Variants in ZBTB32 observed in about 807,000 individuals in gnomAD.
ZBTB32 encodes the protein zinc finger and BTB domain-containing protein 32.
ZBTB32 carries 28 observed loss-of-function variants against 45.3 expected under a neutral mutation model. That is an observed-to-expected ratio of 0.62 (90% CI 0.46 to 0.85). ZBTB32 has a LOEUF of 0.85. Among genes scored for constraint, ZBTB32 ranks in the 40% least tolerant of loss-of-function variants. The pLI is 0.00. For missense variants in ZBTB32, 587 were observed against 624.4 expected, an observed-to-expected ratio of 0.94 and a Z score of 0.64; for synonymous variants, 283 against 255.7, an observed-to-expected ratio of 1.11 and a Z score of -1.02.
At chr19:35,712,178 T>C (rs945274334) in intron 1 of ZBTB32, among the ~76,000 whole-genome samples, 5 of 152,082 alleles carry the variant, frequency 3.3e-5, no homozygotes, top group Non-Finnish European at 7.4e-5. Flanking sequence ...AAATGCTTTA[T>C]CCGCTGGGCG....
At chr19:35,706,445 G>A (rs1968545381) in intron 1 of ZBTB32, among the ~76,000 whole-genome samples, 1 of 151,962 alleles carries the variant, frequency 6.6e-6, no homozygotes, top group Admixed American at 6.6e-5. Context: ...TTTTTGGCAG[G>A]GCGTGGTGGC....
Position 35,715,985 on chromosome 19 carries a change from A to G in ZBTB32, c.1002A>G (p.Glu334=). 6.2e-7 allele frequency: 1 copy of G among 1,612,978 alleles called. No individual in the cohort carries two copies. The highest frequency in any genetic ancestry group is 8.5e-7 in the Non-Finnish European group (1 of 1,179,942). The part of the protein sequence containing the change: ...GPAQLSPGEM[E]ESDQGHTGAL... ...CACAGCTCAGCCCTGGGGAGATGGA[A>G]GAGTCTGATCAGGGGCACACAGGTG... Residue 334 remains glutamate (E), a synonymous_variant, in exon 5 of 7, where the codon GAA becomes GAG. Coordinates refer to ENST00000392197, the MANE Select transcript of ZBTB32 (RefSeq NM_014383.3).
chr19:35,710,888 T>C (rs1263406073), intron 1 of ZBTB32, among the ~76,000 whole-genome samples: 3 of 152,160 alleles, frequency 2.0e-5, no homozygotes, highest in Non-Finnish European at 4.4e-5. Flanking sequence ...AGAGAAGTGC[T>C]CAGGGTGTCA....
At chr19:35,705,403 G>A (rs1968514569) in intron 1 of ZBTB32, among the ~76,000 whole-genome samples, 1 of 152,084 alleles carries the variant, frequency 6.6e-6, no homozygotes, top group South Asian at 2.1e-4. Flanking sequence ...AGGTTTCCTG[G>A]GGTCTTTGGA....
rs761449673 is a variant in ZBTB32 at position 35,716,755 on chromosome 19, G to C, written c.*3G>C. On this transcript the variant is annotated 3_prime_UTR_variant, in exon 7 of 7. Coordinates refer to ENST00000392197, the MANE Select transcript of ZBTB32 (RefSeq NM_014383.3). ...GTCCTTCTTCCTCCACCACCTGACG[G>C]GGTGTCGGTAGCGTCTTAGCCAAGA... is the stretch of plus-strand genomic sequence containing the variant. 56 of 1,597,978 alleles carry C rather than the reference G, an allele frequency of 3.5e-5. No homozygotes were observed. The Admixed American group carries it at 9.4e-4, about 27-fold the overall frequency.
At position 35,716,497 on chromosome 19, in the gene ZBTB32, T is replaced by C. The variant is rs1352093263; in HGVS notation, c.1209T>C (p.Cys403=). Residue 403 remains cysteine (C), a synonymous_variant, in exon 7 of 7, where the codon TGT becomes TGC. Transcript: ENST00000392197. ...CTCTAGGAGAGAAGCCCTTCTCCTG[T>C]AGCCTTTGTCCTCAGCGCTCCCGGG... ...RVHTGEKPFS[C]SLCPQRSRDF... is the part of the protein sequence containing the mutation. 4 of 1,608,928 alleles carry C rather than the reference T, an allele frequency of 2.5e-6. No homozygotes were observed. The highest frequency in any genetic ancestry group is 1.1e-5 in the South Asian group (1 of 90,880).
chr19:35,712,151 C>T (rs530076096), intron 1 of ZBTB32, among the ~76,000 whole-genome samples: 5 of 151,502 alleles, frequency 3.3e-5, no homozygotes, highest in South Asian at 2.1e-4. Flanking sequence ...ATCTAATATA[C>T]GCCAGGCACA....
rs570062492 is a variant in ZBTB32 at position 35,715,377 on chromosome 19, G to A, written c.751G>A (p.Glu251Lys). 1 of 1,612,042 alleles carries A rather than the reference G, an allele frequency of 6.2e-7. No individual in the cohort carries two copies. Among genetic ancestry groups the A allele is most frequent in the African/African-American group, 1.3e-5 (1 of 74,944 alleles). The change falls in exon 3 of 7, where the codon GAG (glutamate) becomes AAG (lysine). Residue 251 changes from glutamate to lysine, a missense_variant. Glu to Lys is a moderately conservative substitution (Grantham distance 56). Coordinates refer to ENST00000392197, the MANE Select transcript of ZBTB32 (RefSeq NM_014383.3). ...TSVTPRPSWA[E>K]APWLVGGQPA... ...CGTCACCCCTAGGCCCTCGTGGGCT[G>A]AGGCCCCTTGGTTGGTGGGGGGCCA...
Position 35,716,493 on chromosome 19 carries a change from C to T in ZBTB32, c.1205C>T (p.Ser402Phe), listed in dbSNP as rs1968907377. 5 of 1,608,714 alleles carry T rather than the reference C, an allele frequency of 3.1e-6. No homozygotes were observed. Among genetic ancestry groups the T allele is most frequent in the Non-Finnish European group, 4.2e-6 (5 of 1,176,520 alleles). The change falls in exon 7 of 7, where the codon TCC becomes TTC. Residue 402 changes from serine (S) to phenylalanine (F), a missense_variant. Physicochemically the swap from Ser to Phe is radical, Grantham distance 155 (BLOSUM62 -2). Transcript: ENST00000392197. ...ACCGCTCTAGGAGAGAAGCCCTTCT[C>T]CTGTAGCCTTTGTCCTCAGCGCTCC... ...YRVHTGEKPF[S>F]CSLCPQRSRD...
chr19:35,711,767 G>A lies in ZBTB32; in HGVS notation c.-221-1150G>A, dbSNP rs546840399. On this transcript the variant is annotated intron_variant, in intron 1 of 6. Transcript: ENST00000392197. ...AAGAGAAGCCTATGGGAGGCCGGGC[G>A]CAATCCCAGCACTTTGGGAGGCCGA... Among the ~76,000 whole-genome samples, 36 of 151,958 alleles carry A rather than the reference G, an allele frequency of 2.4e-4. No individual in the cohort carries two copies. In the South Asian group the frequency reaches 6.4e-3, roughly 27 times the overall value.
intron 1 of ZBTB32, among the ~76,000 whole-genome samples, chr19:35,706,277 C>T (rs1168132243): frequency 1.3e-5 from 2 of 150,920 alleles, no homozygotes; most frequent in African/African-American, 4.9e-5. Context: ...GCTTTTCATT[C>T]TCCCTGTCCC....
intron 2 of ZBTB32, chr19:35,713,635 G>A (rs1968765632): frequency 6.6e-6 from 1 of 152,272 alleles, no homozygotes; most frequent in Non-Finnish European, 1.5e-5. Context: ...AGACACTGAG[G>A]TTCTGGTTCT....
In ZBTB32 at chr19:35,714,699, C is replaced by T. The variant is rs529757518; in HGVS notation, c.73C>T (p.Arg25Trp). The T allele has an allele frequency of 1.1e-4, 175 of 1,608,776 alleles. 1 individual carries two copies. The Middle Eastern group carries it at 3.3e-3, about 30-fold the overall frequency. The change falls in exon 3 of 7, where the codon CGG (arginine) becomes TGG (tryptophan). Residue 25 changes from arginine (R) to tryptophan (W), a missense_variant. By Grantham distance (101) the Arg-to-Trp change is moderately radical. Coordinates refer to ENST00000392197, the MANE Select transcript of ZBTB32 (RefSeq NM_014383.3). ...GCTGGTACAGCTAGCAGCCAGGCTCCGGCCAGCACTCTGTGATACTCTGAT... is the reference window on the plus strand; with the variant it reads ...GCTGGTACAGCTAGCAGCCAGGCTCTGGCCAGCACTCTGTGATACTCTGAT... ...DRLVQLAARL[R>W]PALCDTLITV...
intron 1 of ZBTB32, among the ~76,000 whole-genome samples, chr19:35,708,222 G>A (rs554233921): frequency 2.1e-4 from 32 of 152,236 alleles, no homozygotes; most frequent in Middle Eastern, 6.8e-3. Flanking sequence ...AGGGTCTAGC[G>A]TGTGTGTACA....
At chr19:35,711,777 C>A (rs1466469743) in intron 1 of ZBTB32, among the ~76,000 whole-genome samples, 2 of 152,118 alleles carry the variant, frequency 1.3e-5, no homozygotes, top group Non-Finnish European at 2.9e-5. Flanking sequence ...GCAATCCCAG[C>A]ACTTTGGGAG....
chr19:35,716,813 G>C lies in ZBTB32; in HGVS notation c.*61G>C. ...TAAAGAACGAAAAGCGGGCCGGCTC[G>C]GCTTCTGACCTGGCACCGCTGCTAC... On this transcript the variant is annotated 3_prime_UTR_variant, in exon 7 of 7. Transcript: ENST00000392197. The C allele has an allele frequency of 1.9e-6, 3 of 1,547,740 alleles. No homozygotes were observed. Among genetic ancestry groups the C allele is most frequent in the Non-Finnish European group, 2.6e-6 (3 of 1,143,292 alleles).
Position 35,716,802 on chromosome 19 carries a change from C to T in ZBTB32, c.*50C>T, listed in dbSNP as rs2234376. On this transcript the variant is annotated 3_prime_UTR_variant, in exon 7 of 7. Transcript: ENST00000392197. Reference sequence around the variant, plus strand: ...AAGAGTCCAATTAAAGAACGAAAAGCGGGCCGGCTCGGCTTCTGACCTGGC... The same window carrying T: ...AAGAGTCCAATTAAAGAACGAAAAGTGGGCCGGCTCGGCTTCTGACCTGGC... 393 of 1,555,768 alleles carry T rather than the reference C, an allele frequency of 2.5e-4. 3 individuals are homozygous for T. The East Asian group carries it at 8.5e-3, about 34-fold the overall frequency.
At position 35,715,764 on chromosome 19, in the gene ZBTB32, C is replaced by T; in HGVS notation, c.889C>T (p.Leu297=). 1 of 1,611,938 alleles carries T rather than the reference C, an allele frequency of 6.2e-7. No homozygotes were observed. Among genetic ancestry groups the T allele is most frequent in the Non-Finnish European group, 8.5e-7 (1 of 1,179,050 alleles). ...TTCCCCACCCCATCCCAGGATCCCA[C>T]TGTCCCTAAATGCCCCCAAAGGGCT... ...QEVWREQRIP[L]SLNAPKGLWS... The change falls in exon 4 of 7, where the codon CTG becomes TTG. Residue 297 remains leucine (L), a synonymous_variant. Transcript: ENST00000392197.
intron 1 of ZBTB32, among the ~76,000 whole-genome samples, chr19:35,712,145 A>C (rs1326783182): frequency 2.6e-5 from 4 of 151,934 alleles, no homozygotes; most frequent in East Asian, 1.9e-4. Context: ...CTGTGTATCT[A>C]ATATACGCCA....
Sources: gnomAD v4.1 joint callset for allele counts (sites outside exome capture counted in the v4.1 genomes callset) on GRCh38, gnomAD v4.1.1 for gene constraint, MANE v1.5 for transcripts, NCBI Gene and HGNC (gene_info 2026-07-23, HGNC 2026-07-21) for gene names.